PCDHGB1: variants seen among roughly 807,000 people sequenced by gnomAD.
PCDHGB1 encodes protocadherin gamma-B1.
Under a neutral mutation model 56.6 loss-of-function variants are expected in PCDHGB1, and 34 were observed. The ratio of observed to expected loss-of-function variants is 0.60; its 90% confidence interval spans 0.46 to 0.80. The LOEUF (loss-of-function observed/expected upper bound fraction) is 0.80, where lower values mean the gene tolerates loss of function less well. Among genes scored for constraint, PCDHGB1 ranks in the 30% least tolerant of loss-of-function variants. The pLI, the probability that PCDHGB1 is intolerant of heterozygous loss-of-function variation, is 0.00. For missense variants in PCDHGB1, 1,278 were observed against 1,204.6 expected (o/e 1.06, Z -0.90); for synonymous variants, 561 against 505.9 (o/e 1.11, Z -1.46).
Position 141,404,312 on chromosome 5 carries a change from C to T in PCDHGB1, c.2409+51643C>T. On this transcript the variant is annotated intron_variant, in intron 1 of 3. Transcript: ENST00000523390. ...CAATGATAATCCACCTGCTTTCTCT[C>T]AAGCCTCCTACTCAGTCTACCTCCC... is the stretch of plus-strand genomic sequence containing the variant. 1.9e-6 allele frequency: 3 copies of T among 1,613,956 alleles called. No individual in the cohort carries two copies. The Middle Eastern group carries it at 4.9e-4, about 266-fold the overall frequency.
At chr5:141,392,676 C>T in intron 1 of PCDHGB1, 1 of 917,280 alleles carries the variant, frequency 1.1e-6, no homozygotes, top group East Asian at 2.7e-5. Context: ...AACTGCTGGA[C>T]TGCAGCGAAA....
chr5:141,423,927 T>A, intron 1 of PCDHGB1: 1 of 1,240,434 alleles, frequency 8.1e-7, no homozygotes, highest in Non-Finnish European at 1.0e-6. Context: ...TATGCTGGTT[T>A]GGTTTGAAGT....
intron 1 of PCDHGB1, chr5:141,398,825 C>A (rs747230922): frequency 6.2e-7 from 1 of 1,613,994 alleles, no homozygotes; most frequent in South Asian, 1.1e-5. Flanking sequence ...ATCCAGGTAA[C>A]CGACGCCAAT....
rs991408001 is a variant in PCDHGB1, at chr5:141,450,171, C to G, written c.2410-44636C>G. Among the ~76,000 whole-genome samples, 5 of 151,690 alleles carry G rather than the reference C, an allele frequency of 3.3e-5. No individual in the cohort carries two copies. In the East Asian group the frequency reaches 7.8e-4, roughly 24 times the overall value. ...ACAGGCATGTGCCACCACACTCCCACCACACCCAGCTAATTTTTGTATTTT... is the reference window on the plus strand; with the variant it reads ...ACAGGCATGTGCCACCACACTCCCAGCACACCCAGCTAATTTTTGTATTTT... On this transcript the variant is annotated intron_variant, in intron 1 of 3. Transcript: ENST00000523390.
intron 1 of PCDHGB1, chr5:141,360,661 G>T (rs779342119): frequency 6.2e-7 from 1 of 1,613,944 alleles, no homozygotes; most frequent in Middle Eastern, 1.6e-4. Flanking sequence ...TAATGACAAC[G>T]AGTACTTTGA....
Position 141,477,898 on chromosome 5 carries a change from A to G in PCDHGB1, c.2410-16909A>G. 1 of 1,614,158 alleles carries G rather than the reference A, an allele frequency of 6.2e-7. No homozygotes were observed. Among genetic ancestry groups the G allele is most frequent in the Middle Eastern group, 1.6e-4 (1 of 6,062 alleles). ...CTGGCCACCTAGTGTCACGGGTGGTAGGCTGGGACGCGGATGCAGGGCACA... is the reference window on the plus strand; with the variant it reads ...CTGGCCACCTAGTGTCACGGGTGGTGGGCTGGGACGCGGATGCAGGGCACA... On this transcript the variant is annotated intron_variant, in intron 1 of 3. Coordinates refer to ENST00000523390, the MANE Select transcript of PCDHGB1 (RefSeq NM_018922.3). This position sits in a 1 kb window ranked among gnomAD's most constrained non-coding sequence, Gnocchi z 4.9.
intron 1 of PCDHGB1, chr5:141,388,774 G>A: frequency 3.1e-6 from 5 of 1,613,878 alleles, no homozygotes; most frequent in Non-Finnish European, 4.2e-6. Flanking sequence ...TCTAACACCG[G>A]GGAAATTACT....
rs774682943 is a variant in PCDHGB1 at position 141,493,841 on chromosome 5, T to G, written c.2410-966T>G. Among the ~76,000 whole-genome samples the G allele has an allele frequency of 3.3e-5, 5 of 152,024 alleles. No homozygotes were observed. Among genetic ancestry groups the G allele is most frequent in the Non-Finnish European group, 7.4e-5 (5 of 68,010 alleles). On this transcript the variant is annotated intron_variant, in intron 1 of 3. Transcript: ENST00000523390. This position sits in a 1 kb window ranked among gnomAD's most constrained non-coding sequence, Gnocchi z 4.3. The stretch of plus-strand genomic sequence containing the variant: ...CTCTGCTTCTGGGAGCAAGTATGAG[T>G]ATTAATTACCAGCCCACCCCAGAAC...
At chr5:141,372,217 T>C (rs1267940459) in intron 1 of PCDHGB1, 1 of 1,613,446 alleles carries the variant, frequency 6.2e-7, no homozygotes, top group African/African-American at 1.3e-5. Context: ...TCCTACCACA[T>C]TGTGCAGGCC....
At chr5:141,370,696 C>T in intron 1 of PCDHGB1, 2 of 1,613,694 alleles carry the variant, frequency 1.2e-6, no homozygotes, top group Non-Finnish European at 1.7e-6. Context: ...AAGAAGTCGA[C>T]GTGTGTTCTG....
intron 1 of PCDHGB1, chr5:141,362,620 T>C (rs763103959): frequency 1.0e-4 from 160 of 1,526,964 alleles, no homozygotes; most frequent in Non-Finnish European, 1.4e-4. Context: ...GGGTAGGAAG[T>C]TCCACTGCGT....
intron 1 of PCDHGB1, chr5:141,360,708 T>A: frequency 6.2e-7 from 1 of 1,613,948 alleles, no homozygotes; most frequent in Non-Finnish European, 8.5e-7. Context: ...GTCGTAAATA[T>A]CCTGAGTTGA....
intron 1 of PCDHGB1, among the ~76,000 whole-genome samples, chr5:141,449,594 A>T (rs2098647409): frequency 6.6e-6 from 1 of 150,814 alleles, no homozygotes; most frequent in Non-Finnish European, 1.5e-5. Context: ...GTCTCAAAAA[A>T]AAAAAAAAAA....
chr5:141,473,151 T>C (rs2099315238), intron 1 of PCDHGB1, among the ~76,000 whole-genome samples: 1 of 152,242 alleles, frequency 6.6e-6, no homozygotes. Context: ...TTCAGATCAC[T>C]AGGGCTAGGA....
At chr5:141,383,109 T>C (rs562167618) in intron 1 of PCDHGB1, 78 of 1,613,790 alleles carry the variant, frequency 4.8e-5, no homozygotes, top group Non-Finnish European at 6.3e-5. Flanking sequence ...TCTCCAGAGG[T>C]AGGACGCAGC....
chr5:141,397,332 A>G (rs1246653356), intron 1 of PCDHGB1, among the ~76,000 whole-genome samples: 1 of 152,234 alleles, frequency 6.6e-6, no homozygotes, highest in Non-Finnish European at 1.5e-5. Flanking sequence ...AATTATTTTT[A>G]TAAAGAATGT....
intron 1 of PCDHGB1, chr5:141,391,234 G>C (rs2092322160): frequency 6.6e-6 from 1 of 151,932 alleles, no homozygotes; most frequent in African/African-American, 2.4e-5. Context: ...CCTTTTGCTA[G>C]GTATATCTAA....
intron 1 of PCDHGB1, among the ~76,000 whole-genome samples, chr5:141,430,388 A>G (rs2097280501): frequency 6.6e-6 from 1 of 152,106 alleles, no homozygotes; most frequent in Non-Finnish European, 1.5e-5. Flanking sequence ...ATTGGGAAAA[A>G]AAAAAAAAGC....
intron 1 of PCDHGB1, chr5:141,422,396 A>G (rs767394630): frequency 6.3e-6 from 10 of 1,597,278 alleles, no homozygotes; most frequent in Non-Finnish European, 8.5e-6. Flanking sequence ...ATTCCTAACC[A>G]CCTGCCTTTT....
Sources: gnomAD v4.1 joint callset for allele counts (sites outside exome capture counted in the v4.1 genomes callset) on GRCh38, gnomAD v4.1.1 for gene constraint, Gnocchi (gnomAD v3.1) non-coding constraint, MANE v1.5 for transcripts, NCBI Gene and HGNC (gene_info 2026-07-23, HGNC 2026-07-21) for gene names.